CSMD1: variants seen among roughly 807,000 people sequenced by gnomAD.
CSMD1 encodes CUB and Sushi multiple domains 1.
Under a neutral mutation model 417.5 loss-of-function variants are expected in CSMD1, and 213 were observed. The observed-to-expected ratio is 0.51, with a 90% confidence interval of 0.46 to 0.57. The LOEUF (loss-of-function observed/expected upper bound fraction) is 0.57, where lower values mean the gene tolerates loss of function less well. Ranked by LOEUF, CSMD1 falls within the 20% of genes least tolerant of loss-of-function variation. The probability of loss-of-function intolerance (pLI) is 0.00; values close to 1 mark genes in which losing one functional copy is unlikely to be tolerated. For synonymous variants in CSMD1, 2,862 were observed against 1,736.8 expected, an observed-to-expected ratio of 1.65 and a Z score of -16.11; for missense variants, 6,923 against 4,529.7, an observed-to-expected ratio of 1.53 and a Z score of -15.17.
rs149377379 is a variant in CSMD1, at chr8:4,103,907, G to A, written c.416-71808C>T. 2.2e-3 allele frequency among the ~76,000 whole-genome samples: 341 copies of A among 152,282 alleles called. 4 individuals carry two copies. The highest frequency in any genetic ancestry group is 7.8e-3 in the African/African-American group (325 of 41,558). On this transcript the variant is annotated intron_variant, in intron 3 of 69. Transcript: ENST00000635120. The stretch of plus-strand genomic sequence containing the variant: ...ATATTTGTTCTCTCCAGGTTCCCAA[G>A]GCCAAACAGCTTTGTGCCTGTGTTG...
chr8:4,120,636 G>A (rs567688985), intron 3 of CSMD1, among the ~76,000 whole-genome samples: 2 of 152,208 alleles, frequency 1.3e-5, no homozygotes, highest in Non-Finnish European at 2.9e-5. Flanking sequence ...CCTGCCACTG[G>A]CCTTCTCTAG....
At chr8:4,939,449 T>A (rs1465820831) in intron 1 of CSMD1, among the ~76,000 whole-genome samples, 3 of 152,210 alleles carry the variant, frequency 2.0e-5, no homozygotes, top group Non-Finnish European at 2.9e-5. Flanking sequence ...ATATACCTAA[T>A]GGAGTACTAT....
At chr8:4,040,541 A>G (rs1053003128) in intron 3 of CSMD1, among the ~76,000 whole-genome samples, 3 of 152,218 alleles carry the variant, frequency 2.0e-5, no homozygotes, top group African/African-American at 4.8e-5. Flanking sequence ...AGGTGATGAT[A>G]AAGTGTGATT....
At chr8:4,535,350 T>C (rs1277915024) in intron 2 of CSMD1, among the ~76,000 whole-genome samples, 1 of 152,192 alleles carries the variant, frequency 6.6e-6, no homozygotes, top group Non-Finnish European at 1.5e-5. Context: ...TATTTTAGTT[T>C]ATTTATTGCT....
intron 3 of CSMD1, among the ~76,000 whole-genome samples, chr8:4,074,559 G>C (rs2552133): frequency 0.15 from 22,299 of 152,036 alleles, 1,710 homozygotes; most frequent in South Asian, 0.36. Context: ...CCCAGTGGAA[G>C]TTAAAGGATC....
chr8:3,797,818 C>T (rs190694137), intron 5 of CSMD1, among the ~76,000 whole-genome samples: 1 of 151,928 alleles, frequency 6.6e-6, no homozygotes, highest in South Asian at 2.1e-4. Context: ...TGTCTGACTT[C>T]ATATAAAAGC....
intron 2 of CSMD1, among the ~76,000 whole-genome samples, chr8:4,443,860 A>G (rs1298869617): frequency 6.6e-6 from 1 of 152,226 alleles, no homozygotes; most frequent in Non-Finnish European, 1.5e-5. Flanking sequence ...AACAAAGTTG[A>G]CATGTGAAAA....
Position 4,026,891 on chromosome 8 carries a change from G to A in CSMD1, c.610+5014C>T, listed in dbSNP as rs577253797. Among the ~76,000 whole-genome samples, 6 of 152,174 alleles carry A rather than the reference G, an allele frequency of 3.9e-5. No homozygotes were observed. In the South Asian group the frequency reaches 1.2e-3, roughly 32 times the overall value. On this transcript the variant is annotated intron_variant, in intron 4 of 69. Transcript: ENST00000635120. ...TTTGGAATTTGGCAAGGTGTAGTATGCTGCTGAGCGAATTCTTTAAAAACC... is the reference window on the plus strand; with the variant it reads ...TTTGGAATTTGGCAAGGTGTAGTATACTGCTGAGCGAATTCTTTAAAAACC...
At chr8:4,155,565 G>A (rs919035099) in intron 3 of CSMD1, among the ~76,000 whole-genome samples, 3 of 152,096 alleles carry the variant, frequency 2.0e-5, no homozygotes, top group Non-Finnish European at 2.9e-5. Flanking sequence ...TAGAACGAAC[G>A]TTCTTATCTT....
intron 22 of CSMD1, among the ~76,000 whole-genome samples, chr8:3,346,782 C>T (rs1034866188): frequency 1.3e-5 from 2 of 152,140 alleles, no homozygotes; most frequent in Non-Finnish European, 2.9e-5. Context: ...TCTCATAGTT[C>T]AAAGTGAGTT....
chr8:4,421,149 C>A (rs1190741063), intron 2 of CSMD1, among the ~76,000 whole-genome samples: 1 of 152,032 alleles, frequency 6.6e-6, no homozygotes, highest in African/African-American at 2.4e-5. Flanking sequence ...AAAAAGAAAC[C>A]ATTGTCATAC....
chr8:3,782,221 A>G (rs1177441929), intron 5 of CSMD1, among the ~76,000 whole-genome samples: 1 of 152,214 alleles, frequency 6.6e-6, no homozygotes. Context: ...ATAGGACAGA[A>G]TCTATGTCAG....
At chr8:3,230,937 C>G (rs1798798750) in intron 26 of CSMD1, among the ~76,000 whole-genome samples, 1 of 152,176 alleles carries the variant, frequency 6.6e-6, no homozygotes, top group African/African-American at 2.4e-5. Flanking sequence ...CGGCTGGTGC[C>G]TGTGCTTTCA....
intron 1 of CSMD1, among the ~76,000 whole-genome samples, chr8:4,922,796 A>G (rs186131506): frequency 6.6e-6 from 1 of 152,290 alleles, no homozygotes; most frequent in Admixed American, 6.5e-5. Flanking sequence ...CACCCCAAGA[A>G]GTGTTTCCTT....
At chr8:4,402,294 C>T (rs1348237850) in intron 3 of CSMD1, among the ~76,000 whole-genome samples, 1 of 151,706 alleles carries the variant, frequency 6.6e-6, no homozygotes, top group Non-Finnish European at 1.5e-5. Context: ...GGTCTTTGCC[C>T]CTTCTCTCCT....
chr8:3,957,929 G>A (rs1812076051), intron 5 of CSMD1, among the ~76,000 whole-genome samples: 1 of 152,082 alleles, frequency 6.6e-6, no homozygotes, highest in Non-Finnish European at 1.5e-5. Flanking sequence ...CTACTTCTCA[G>A]GGCAGCAAAT....
chr8:4,533,958 A>C (rs1482411290), intron 2 of CSMD1, among the ~76,000 whole-genome samples: 2 of 149,416 alleles, frequency 1.3e-5, no homozygotes, highest in African/African-American at 4.9e-5. Context: ...TTATATATAT[A>C]AATATAAAAT....
intron 26 of CSMD1, among the ~76,000 whole-genome samples, chr8:3,271,112 T>C (rs1801820265): frequency 8.2e-6 from 1 of 122,318 alleles, no homozygotes; most frequent in Admixed American, 1.1e-4. Context: ...CAGAGTGTGA[T>C]GTTCCCCTTC....
At chr8:4,128,906 ATTGTT>A (rs1326816006) in intron 3 of CSMD1, among the ~76,000 whole-genome samples, 1 of 151,842 alleles carries the variant, frequency 6.6e-6, no homozygotes, top group Non-Finnish European at 1.5e-5. Flanking sequence ...TACAACTCAT[ATTGTT>A]TTAAGAATTC....
Sources: gnomAD v4.1 joint callset for allele counts (sites outside exome capture counted in the v4.1 genomes callset) on GRCh38, gnomAD v4.1.1 for gene constraint, MANE v1.5 for transcripts, NCBI Gene and HGNC (gene_info 2026-07-23, HGNC 2026-07-21) for gene names.